The following FAM135B variants were observed in gnomAD, a reference collection of about 807,000 sequenced individuals.
FAM135B encodes the protein protein FAM135B.
Under a neutral mutation model 127.7 loss-of-function variants are expected in FAM135B, and 43 were observed. That is an observed-to-expected ratio of 0.34 (90% CI 0.26 to 0.43). The LOEUF (loss-of-function observed/expected upper bound fraction) is 0.43. FAM135B is among the 20% of genes least tolerant of loss of function. The pLI is 1.00. For missense variants in FAM135B, 1,558 were observed against 1,725.6 expected, an observed-to-expected ratio of 0.90 and a Z score of 1.72; for synonymous variants, 670 against 665.1, an observed-to-expected ratio of 1.01 and a Z score of -0.11.
At chr8:138,186,137 G>A (rs1432776543) in intron 9 of FAM135B, among the ~76,000 whole-genome samples, 1 of 152,132 alleles carries the variant, frequency 6.6e-6, no homozygotes. Flanking sequence ...GGCAAGATAA[G>A]GTGCCCGCTC....
chr8:138,365,183 G>C (rs1176039353), intron 2 of FAM135B, among the ~76,000 whole-genome samples: 2 of 152,122 alleles, frequency 1.3e-5, no homozygotes, highest in Non-Finnish European at 2.9e-5. Flanking sequence ...AAAAACATTA[G>C]AGTGGTTCCA....
chr8:138,200,800 A>C (rs1283594224), intron 7 of FAM135B, among the ~76,000 whole-genome samples: 1 of 152,226 alleles, frequency 6.6e-6, no homozygotes, highest in Non-Finnish European at 1.5e-5. Context: ...TGCTTTTATC[A>C]CCAAATATTG....
intron 2 of FAM135B, among the ~76,000 whole-genome samples, chr8:138,348,975 C>A (rs928155034): frequency 2.0e-5 from 3 of 152,222 alleles, no homozygotes; most frequent in Non-Finnish European, 4.4e-5. Flanking sequence ...AGGGCCCAGG[C>A]CCCTCTGGCA....
chr8:138,206,284 C>CACACA (rs1563768566), intron 7 of FAM135B, among the ~76,000 whole-genome samples: 9 of 57,786 alleles, frequency 1.6e-4, no homozygotes, highest in Non-Finnish European at 2.8e-4. Flanking sequence ...CCTCCACCTA[C>CACACA]GCACAGCTCT....
At chr8:138,155,245 T>G (rs1018447063) in intron 12 of FAM135B, among the ~76,000 whole-genome samples, 1 of 152,160 alleles carries the variant, frequency 6.6e-6, no homozygotes, top group Non-Finnish European at 1.5e-5. Flanking sequence ...AAGCAAATGC[T>G]GAGAGATTTT....
intron 1 of FAM135B, among the ~76,000 whole-genome samples, chr8:138,458,303 G>A (rs565228675): frequency 1.3e-4 from 20 of 152,304 alleles, no homozygotes; most frequent in African/African-American, 4.6e-4. Flanking sequence ...GTGGTGATCT[G>A]TCATGTCAGG....
intron 19 of FAM135B, among the ~76,000 whole-genome samples, chr8:138,135,296 C>A (rs1816553498): frequency 6.6e-6 from 1 of 152,116 alleles, no homozygotes; most frequent in South Asian, 2.1e-4. Context: ...CAAATCCCTG[C>A]ACAAAGAAAC....
chr8:138,427,541 T>C lies in FAM135B; in HGVS notation c.-19-59539A>G, dbSNP rs974490601. 1.2e-3 allele frequency among the ~76,000 whole-genome samples: 189 copies of C among 152,050 alleles called. 1 individual carries two copies. The highest frequency in any genetic ancestry group is 2.1e-3 in the Non-Finnish European group (145 of 67,988). On this transcript the variant is annotated intron_variant, in intron 1 of 19. Transcript: ENST00000395297. The stretch of plus-strand genomic sequence containing the variant: ...CACTAAGTGAAAGTGAGAATGAAAT[T>C]TGAAAACTTAACACTGCAACAACTT...
chr8:138,330,304 C>T (rs930634218), intron 2 of FAM135B, among the ~76,000 whole-genome samples: 2 of 152,116 alleles, frequency 1.3e-5, no homozygotes, highest in Non-Finnish European at 2.9e-5. Flanking sequence ...CAGAAAGCCA[C>T]CATTTCCCTG....
chr8:138,326,465 C>A (rs1301422539), intron 2 of FAM135B, among the ~76,000 whole-genome samples: 1 of 152,128 alleles, frequency 6.6e-6, no homozygotes, highest in Non-Finnish European at 1.5e-5. Context: ...AAGCGACTTG[C>A]ACAGCTTGAA....
intron 1 of FAM135B, among the ~76,000 whole-genome samples, chr8:138,379,801 T>C (rs540513515): frequency 3.9e-5 from 6 of 152,158 alleles, no homozygotes; most frequent in Non-Finnish European, 8.8e-5. Context: ...AATGCAATAA[T>C]AGACATAACT....
rs532687328 is a variant in FAM135B at position 138,406,602 on chromosome 8, A to C, written c.-19-38600T>G. On this transcript the variant is annotated intron_variant, in intron 1 of 19. Coordinates refer to ENST00000395297, the MANE Select transcript of FAM135B (RefSeq NM_015912.4). Reference sequence around the variant, plus strand: ...CATCCCTGGGATGCAAGGCTGGTTCAATACATGCAAATCAATAAATGTAAT... The same window carrying C: ...CATCCCTGGGATGCAAGGCTGGTTCCATACATGCAAATCAATAAATGTAAT... 2.9e-3 allele frequency among the ~76,000 whole-genome samples: 449 copies of C among 152,282 alleles called. 2 individuals carry two copies. Among genetic ancestry groups the C allele is most frequent in the Non-Finnish European group, 5.3e-3 (362 of 68,032 alleles).
chr8:138,411,159 C>T (rs1383973896), intron 1 of FAM135B, among the ~76,000 whole-genome samples: 1 of 150,976 alleles, frequency 6.6e-6, no homozygotes, highest in Non-Finnish European at 1.5e-5. Flanking sequence ...CATATGGAAC[C>T]AAAAAAGAGC....
intron 2 of FAM135B, among the ~76,000 whole-genome samples, chr8:138,344,577 C>CTTTCTT (rs1488668233): frequency 6.0e-5 from 5 of 83,944 alleles, no homozygotes; most frequent in Admixed American, 2.5e-4. Context: ...TTCTTTCTTT[C>CTTTCTT]TTTTTTTTTT....
At position 138,179,751 on chromosome 8, in the gene FAM135B, T is replaced by C. The variant is rs372223386; in HGVS notation, c.874-1061A>G. ...CTCTGTCACCCAGGCTGGAGTGCAGTGGTGTGATCATGGCTCACTGCAGCC... is the reference window on the plus strand; with the variant it reads ...CTCTGTCACCCAGGCTGGAGTGCAGCGGTGTGATCATGGCTCACTGCAGCC... On this transcript the variant is annotated intron_variant, in intron 9 of 19. Transcript: ENST00000395297. Among the ~76,000 whole-genome samples the C allele has an allele frequency of 2.4e-3, 368 of 152,280 alleles. 1 individual carries two copies. Among genetic ancestry groups the C allele is most frequent in the South Asian group, 8.5e-3 (41 of 4,826 alleles).
intron 1 of FAM135B, among the ~76,000 whole-genome samples, chr8:138,411,333 C>A (rs1444368770): frequency 6.6e-6 from 1 of 152,050 alleles, no homozygotes; most frequent in East Asian, 1.9e-4. Flanking sequence ...AGAAATAATG[C>A]CACATATCTA....
At chr8:138,159,165 G>A (rs1174623305) in intron 12 of FAM135B, among the ~76,000 whole-genome samples, 1 of 147,478 alleles carries the variant, frequency 6.8e-6, no homozygotes, top group African/African-American at 2.5e-5. Context: ...CCAGCTACTC[G>A]GGAGGCTGAG....
intron 2 of FAM135B, 114 bp from the exon 3 acceptor site, chr8:138,311,034 G>T: frequency 1.3e-6 from 1 of 748,044 alleles, no homozygotes; most frequent in Non-Finnish European, 2.2e-6. Flanking sequence ...TTTCTTGGCA[G>T]CATGCACAAT....
At chr8:138,468,739 T>G (rs1440514067) in intron 1 of FAM135B, among the ~76,000 whole-genome samples, 1 of 152,144 alleles carries the variant, frequency 6.6e-6, no homozygotes, top group Admixed American at 6.5e-5. Context: ...ACCAACCTAA[T>G]AAATATATTA....
Sources: allele counts gnomAD v4.1 joint callset (sites outside exome capture counted in the v4.1 genomes callset), GRCh38; gene constraint gnomAD v4.1.1; transcripts MANE v1.5; gene names NCBI Gene and HGNC (gene_info 2026-07-23, HGNC 2026-07-21).